The following FAM228B variants were observed in gnomAD, a reference collection of about 807,000 sequenced individuals.
The protein encoded by FAM228B is protein FAM228B.
FAM228B carries 38 observed loss-of-function variants against 42.6 expected under a neutral mutation model. The ratio of observed to expected loss-of-function variants is 0.89; its 90% CI spans 0.69 to 1.17. The LOEUF (loss-of-function observed/expected upper bound fraction) is 1.17. FAM228B is among the 50% of genes most tolerant of loss of function. The pLI is 0.00. For synonymous variants in FAM228B, 109 were observed against 122.3 expected, an observed-to-expected ratio of 0.89 and a Z score of 0.72; for missense variants, 344 against 367.3, an observed-to-expected ratio of 0.94 and a Z score of 0.52.
intron 2 of FAM228B, among the ~76,000 whole-genome samples, chr2:24,129,499 A>T (rs1666401161): frequency 1.3e-5 from 2 of 151,936 alleles, no homozygotes; most frequent in Admixed American, 1.3e-4. Context: ...ATAGGTCACT[A>T]TGACTCTGTT....
chr2:24,112,477 T>G (rs1225389867), intron 3 of FAM228B, among the ~76,000 whole-genome samples: 2 of 151,986 alleles, frequency 1.3e-5, no homozygotes, highest in Non-Finnish European at 2.9e-5. Context: ...ATTTTTGTAT[T>G]TTTTAGTAGA....
intron 3 of FAM228B, among the ~76,000 whole-genome samples, chr2:24,103,663 G>T (rs1005277617): frequency 4.6e-5 from 7 of 152,206 alleles, no homozygotes; most frequent in Admixed American, 3.9e-4. Context: ...AATGCAGCGG[G>T]TGTGTTTAGG....
chr2:24,135,631 T>C (rs1160934468), intron 3 of FAM228B, among the ~76,000 whole-genome samples: 2 of 152,214 alleles, frequency 1.3e-5, no homozygotes, highest in African/African-American at 4.8e-5. Context: ...CCTGTTTTTA[T>C]TTTTAAGAAA....
chr2:24,163,966 C>A (rs1558396306), intron 8 of FAM228B, among the ~76,000 whole-genome samples: 1 of 152,108 alleles, frequency 6.6e-6, no homozygotes, highest in Admixed American at 6.5e-5. Flanking sequence ...TCCAAAGGAC[C>A]CAAAGCTGTT....
chr2:24,096,054 G>A (rs1665491576), intron 3 of FAM228B: 1 of 152,222 alleles, frequency 6.6e-6, no homozygotes, highest in African/African-American at 2.4e-5. Context: ...CAGTTAGAAG[G>A]AAAACTGAAA....
At chr2:24,109,757 G>A (rs1665758241) in intron 3 of FAM228B, among the ~76,000 whole-genome samples, 1 of 152,138 alleles carries the variant, frequency 6.6e-6, no homozygotes. Flanking sequence ...CATTCAGAAT[G>A]GCTATTATTA....
At chr2:24,078,262 A>G (rs755754781) in intron 1 of FAM228B, among the ~76,000 whole-genome samples, 1 of 151,954 alleles carries the variant, frequency 6.6e-6, no homozygotes, top group Non-Finnish European at 1.5e-5. Context: ...ATTTCTTCTC[A>G]AATTTATTGT....
At chr2:24,164,150 T>C (rs1294472373) in intron 8 of FAM228B, 48 bp from the exon 9 acceptor site, 1 of 1,479,072 alleles carries the variant, frequency 6.8e-7, no homozygotes, top group East Asian at 2.5e-5. Flanking sequence ...GTGCTACAGT[T>C]GAGTTGAGAG....
chr2:24,085,854 T>C (rs1665226465), intron 2 of FAM228B: 1 of 152,190 alleles, frequency 6.6e-6, no homozygotes, highest in Non-Finnish European at 1.5e-5. Context: ...ATTATTTCTT[T>C]AACACAACAG....
intron 5 of FAM228B, among the ~76,000 whole-genome samples, chr2:24,145,706 CTT>C (rs34354190): frequency 0.014 from 1,610 of 114,290 alleles, 23 homozygotes; most frequent in African/African-American, 0.042. Context: ...TTTTTTGTTC[CTT>C]TTTTTTTTTT....
chr2:24,169,323 C>A lies in FAM228B; in HGVS notation c.*15-33C>A, dbSNP rs1171599804. 2 of 464,778 alleles carry A rather than the reference C, an allele frequency of 4.3e-6. No homozygotes were observed. Among genetic ancestry groups the A allele is most frequent in the Non-Finnish European group, 9.0e-6 (2 of 222,008 alleles). 28.8% of individuals were successfully genotyped at this position (464,778 alleles called of 1,614,324 possible). A position where few individuals can be genotyped will look rare whatever the true frequency, so the allele number is the denominator to read the frequency against. On this transcript the variant is annotated intron_variant, in intron 10 of 10. Coordinates refer to ENST00000615575, the MANE Select transcript of FAM228B (RefSeq NM_001145710.2). The surrounding 1 kb of genome is among the most constrained non-coding windows in gnomAD (Gnocchi z 4.2). ...TCGTAAGCCCCTCATCCCCATACCA[C>A]ACTCAACTCTTCCCTTTTGTCACCT...
At chr2:24,164,142 G>A in intron 8 of FAM228B, 56 bp from the exon 9 acceptor site, 4 of 1,421,510 alleles carry the variant, frequency 2.8e-6, no homozygotes, top group East Asian at 2.6e-5. Flanking sequence ...AATATTAAGT[G>A]CTACAGTTGA....
chr2:24,121,324 C>G, upstream of FAM228B: 1 of 1,603,146 alleles, frequency 6.2e-7, no homozygotes, highest in Non-Finnish European at 8.5e-7. Context: ...ATGGTTAGAG[C>G]AGGAGTCAGC....
At chr2:24,159,974 G>C (rs1279529118) in intron 7 of FAM228B, among the ~76,000 whole-genome samples, 1 of 149,846 alleles carries the variant, frequency 6.7e-6, no homozygotes, top group East Asian at 1.9e-4. Flanking sequence ...CTGGGTATGG[G>C]TTTCTTTTCT....
chr2:24,141,392 C>A (rs1182825991), intron 5 of FAM228B, among the ~76,000 whole-genome samples: 1 of 152,180 alleles, frequency 6.6e-6, no homozygotes, highest in Non-Finnish European at 1.5e-5. Flanking sequence ...TACATGCACC[C>A]ACCACCACGC....
intron 5 of FAM228B, among the ~76,000 whole-genome samples, chr2:24,141,722 C>G (rs979777744): frequency 2.0e-5 from 3 of 152,142 alleles, no homozygotes; most frequent in African/African-American, 2.4e-5. Flanking sequence ...AATTTTTACC[C>G]TTTTTAGAGA....
At chr2:24,141,182 CT>C (rs1173529657) in intron 5 of FAM228B, among the ~76,000 whole-genome samples, 4 of 151,782 alleles carry the variant, frequency 2.6e-5, no homozygotes, top group Admixed American at 2.6e-4. Flanking sequence ...TCAAGCGATT[CT>C]CCTGCCTCAG....
chr2:24,122,487 G>T, upstream of FAM228B: 1 of 1,614,176 alleles, frequency 6.2e-7, no homozygotes, highest in Non-Finnish European at 8.5e-7. Context: ...CTGTCCACAT[G>T]CTTGGTTCCC....
At chr2:24,151,213 A>G (rs1389242341) in intron 7 of FAM228B, among the ~76,000 whole-genome samples, 7 of 152,180 alleles carry the variant, frequency 4.6e-5, no homozygotes, top group South Asian at 2.1e-4. Flanking sequence ...TCTGCTATTA[A>G]AAGACTCTGA....
Sources: allele counts gnomAD v4.1 joint callset (sites outside exome capture counted in the v4.1 genomes callset), GRCh38; gene constraint gnomAD v4.1.1; non-coding constraint Gnocchi (gnomAD v3.1); transcripts MANE v1.5; gene names NCBI Gene and HGNC (gene_info 2026-07-23, HGNC 2026-07-21).